CCDC38: variants seen among roughly 807,000 people sequenced by gnomAD.
CCDC38 encodes the protein coiled-coil domain containing 38, also known as coiled-coil domain-containing protein 38.
A neutral mutation model predicts 72.8 loss-of-function variants in CCDC38; 69 were observed. The ratio of observed to expected loss-of-function variants is 0.95; its 90% CI spans 0.78 to 1.16. The LOEUF is 1.16. Among genes scored for constraint, CCDC38 ranks in the 50% most tolerant of loss-of-function variants. The probability of loss-of-function intolerance (pLI) is 0.00; values close to 1 mark genes in which losing one functional copy is unlikely to be tolerated. For missense variants in CCDC38, 626 were observed against 638.9 expected, an observed-to-expected ratio of 0.98 and a Z score of 0.22; for synonymous variants, 201 against 213.2, an observed-to-expected ratio of 0.94 and a Z score of 0.50.
At chr12:95,891,279 G>A (rs1339131224) in intron 8 of CCDC38, among the ~76,000 whole-genome samples, 1 of 152,130 alleles carries the variant, frequency 6.6e-6, no homozygotes, top group Non-Finnish European at 1.5e-5. Flanking sequence ...CAAGCCTCTG[G>A]ACTGACAGAC....
At chr12:95,929,884 C>T (rs1045549670) in intron 2 of CCDC38, among the ~76,000 whole-genome samples, 2 of 152,140 alleles carry the variant, frequency 1.3e-5, no homozygotes, top group Non-Finnish European at 2.9e-5. Context: ...GAGAATCCTT[C>T]CACAGTTCTA....
At chr12:95,943,068 C>T (rs7134133), upstream of CCDC38, 99,649 of 255,420 alleles carry the variant, frequency 0.39, 20,359 homozygotes, top group Admixed American at 0.53. Flanking sequence ...ATCCACACAG[C>T]TCACTTTGAT....
At chr12:95,872,018 A>G (rs2079585620) in intron 14 of CCDC38, among the ~76,000 whole-genome samples, 2 of 152,096 alleles carry the variant, frequency 1.3e-5, no homozygotes, top group African/African-American at 4.8e-5. Flanking sequence ...CTGTTCACCC[A>G]GTTCCTTCCT....
At chr12:95,874,919 GTGTTGAC>G (rs2079620036) in intron 13 of CCDC38, among the ~76,000 whole-genome samples, 3 of 152,228 alleles carry the variant, frequency 2.0e-5, no homozygotes, top group Admixed American at 2.0e-4. Context: ...ATTCTGCTGT[GTGTTGAC>G]TGTACACAGT....
intron 2 of CCDC38, among the ~76,000 whole-genome samples, chr12:95,926,383 T>C (rs993053383): frequency 4.6e-5 from 7 of 152,138 alleles, no homozygotes; most frequent in African/African-American, 1.7e-4. Flanking sequence ...GGATCGGTGG[T>C]GATATCCCCT....
At chr12:95,874,118 GAC>G (rs1334277604) in intron 13 of CCDC38, among the ~76,000 whole-genome samples, 3 of 152,046 alleles carry the variant, frequency 2.0e-5, no homozygotes, top group African/African-American at 7.2e-5. Flanking sequence ...AAACCTTGGA[GAC>G]ACAGAAAAAT....
At chr12:95,921,874 CT>C (rs1168574786) in intron 2 of CCDC38, among the ~76,000 whole-genome samples, 4 of 152,140 alleles carry the variant, frequency 2.6e-5, no homozygotes. Context: ...TGTGAAGAAA[CT>C]CAATGATTCT....
At chr12:95,933,372 A>G (rs2080358207) in intron 2 of CCDC38, 1 of 152,234 alleles carries the variant, frequency 6.6e-6, no homozygotes. Context: ...AAAAATAGAA[A>G]AAAGACTGTA....
chr12:95,905,928 A>T (rs964682488), intron 5 of CCDC38, among the ~76,000 whole-genome samples: 2 of 152,338 alleles, frequency 1.3e-5, no homozygotes, highest in East Asian at 3.9e-4. Flanking sequence ...TCTGACATGA[A>T]TAGGTATCAA....
chr12:95,917,711 AAAAT>A (rs147203766), intron 3 of CCDC38, among the ~76,000 whole-genome samples: 13,924 of 151,982 alleles, frequency 0.092, 787 homozygotes, highest in Non-Finnish European at 0.12. Flanking sequence ...CTCTCTACTA[AAAAT>A]ACAAAAATTA....
At chr12:95,935,943 T>TG (rs1287432115) in intron 2 of CCDC38, among the ~76,000 whole-genome samples, 1 of 152,040 alleles carries the variant, frequency 6.6e-6, no homozygotes, top group South Asian at 2.1e-4. Context: ...CTGGGCGTGG[T>TG]GGTGCATGCC....
chr12:95,881,722 A>G (rs922088491), intron 10 of CCDC38, among the ~76,000 whole-genome samples, 168 bp from the exon 11 acceptor site: 17 of 152,230 alleles, frequency 1.1e-4, no homozygotes, highest in African/African-American at 2.4e-4. Flanking sequence ...AATGGATTCC[A>G]TGAATATACA....
intron 7 of CCDC38, among the ~76,000 whole-genome samples, chr12:95,896,146 C>A (rs560930810): frequency 6.6e-6 from 1 of 151,308 alleles, no homozygotes; most frequent in Non-Finnish European, 1.5e-5. Context: ...CCTATTACTA[C>A]AGGCAGGACA....
chr12:95,923,155 C>T (rs1433445340), intron 2 of CCDC38, among the ~76,000 whole-genome samples: 1 of 152,096 alleles, frequency 6.6e-6, no homozygotes, highest in Non-Finnish European at 1.5e-5. Flanking sequence ...CCATCAGTTC[C>T]CCTGCTTCTC....
At chr12:95,870,884 C>G (rs2079573916) in intron 14 of CCDC38, among the ~76,000 whole-genome samples, 1 of 152,160 alleles carries the variant, frequency 6.6e-6, no homozygotes, top group Non-Finnish European at 1.5e-5. Flanking sequence ...GCCAAGCATG[C>G]TCTCATAATT....
At chr12:95,889,932 G>T (rs986068269) in intron 9 of CCDC38, among the ~76,000 whole-genome samples, 1 of 150,306 alleles carries the variant, frequency 6.7e-6, no homozygotes, top group South Asian at 2.1e-4. Context: ...TTTGACATAG[G>T]GTCTCACTCC....
chr12:95,889,789 C>T (rs1165021557), intron 9 of CCDC38, among the ~76,000 whole-genome samples: 1 of 152,206 alleles, frequency 6.6e-6, no homozygotes, highest in African/African-American at 2.4e-5. Flanking sequence ...CTGGAGAGAT[C>T]AGACCCCTCC....
In CCDC38 at chr12:95,872,392, C is replaced by A. The variant is rs753797072; in HGVS notation, c.1347G>T (p.Glu449Asp). Residue 449 changes from glutamate (E) to aspartate (D), a missense_variant, in exon 14 of 16, where the codon GAG becomes GAT. Glu to Asp is a conservative substitution (Grantham distance 45). Transcript: ENST00000344280. ...QVYKVCIGDAEDDGLNPIQKL... is the reference protein window; with the variant it reads ...QVYKVCIGDADDDGLNPIQKL... ...TTTGAATTGGGTTGAGGCCGTCATC[C>A]TCAGCATCTCCAATGCAGACTTTGT... 1 of 1,614,142 alleles carries A rather than the reference C, an allele frequency of 6.2e-7. No homozygotes were observed. Among genetic ancestry groups the A allele is most frequent in the South Asian group, 1.1e-5 (1 of 91,088 alleles).
At chr12:95,870,688 G>GT (rs532792663) in intron 14 of CCDC38, among the ~76,000 whole-genome samples, 10 of 152,132 alleles carry the variant, frequency 6.6e-5, no homozygotes, top group Non-Finnish European at 1.2e-4. Flanking sequence ...TAGGGAAGGA[G>GT]TAACTTTTCA....
Sources: gnomAD v4.1 joint callset for allele counts (sites outside exome capture counted in the v4.1 genomes callset) on GRCh38, gnomAD v4.1.1 for gene constraint, MANE v1.5 for transcripts, NCBI Gene and HGNC (gene_info 2026-07-23, HGNC 2026-07-21) for gene names.